The following VGLL3 variants were observed in gnomAD, a reference collection of about 807,000 sequenced individuals.
The protein encoded by VGLL3 is vestigial like family member 3, also known as transcription cofactor vestigial-like protein 3.
VGLL3 carries 18 observed loss-of-function variants against 29.2 expected under a neutral mutation model. That is an observed-to-expected ratio of 0.62 (90% CI 0.43 to 0.91). The LOEUF (loss-of-function observed/expected upper bound fraction) is 0.91, where lower values mean the gene tolerates loss of function less well. Ranked by LOEUF, VGLL3 falls within the 40% of genes least tolerant of loss-of-function variation. The pLI is 0.00. For synonymous variants in VGLL3, 180 were observed against 151.8 expected (o/e 1.19, Z -1.36); for missense variants, 440 against 413.2 (o/e 1.06, Z -0.56).
intron 3 of VGLL3, among the ~76,000 whole-genome samples, chr3:86,968,106 T>G (rs1705002601): frequency 6.6e-6 from 1 of 152,078 alleles, no homozygotes; most frequent in African/African-American, 2.4e-5. Context: ...AAATCATTCT[T>G]TTAAAATATG....
At chr3:86,978,489 A>G in intron 2 of VGLL3, 37 bp downstream of exon 2, 1 of 1,601,244 alleles carries the variant, frequency 6.2e-7, no homozygotes, top group East Asian at 2.2e-5. Context: ...CGAAACAAAG[A>G]CAGTGCCCTG....
intron 3 of VGLL3, among the ~76,000 whole-genome samples, chr3:86,957,180 C>T (rs1704743218): frequency 6.6e-6 from 1 of 152,110 alleles, no homozygotes; most frequent in African/African-American, 2.4e-5. Flanking sequence ...GATGTTAACC[C>T]CGCAATATTT....
At chr3:86,955,437 T>G (rs2106975885) in intron 3 of VGLL3, among the ~76,000 whole-genome samples, 1 of 149,780 alleles carries the variant, frequency 6.7e-6, no homozygotes, top group African/African-American at 2.5e-5. Context: ...GGCTGGAGGC[T>G]GGAGTGCAAT....
At chr3:86,969,193 G>A (rs988335207) in intron 2 of VGLL3, 70 bp from the exon 3 acceptor site, 3 of 1,474,070 alleles carry the variant, frequency 2.0e-6, no homozygotes, top group African/African-American at 2.8e-5. Flanking sequence ...GCCTCTAATT[G>A]TCCACTCTAA....
chr3:86,969,492 T>A (rs1031991772), intron 2 of VGLL3, among the ~76,000 whole-genome samples: 6 of 152,160 alleles, frequency 3.9e-5, no homozygotes, highest in Admixed American at 3.9e-4. Context: ...GGTAAAGAAA[T>A]CTTATGCCAT....
At chr3:86,987,420 C>A (rs1705470765) in intron 1 of VGLL3, among the ~76,000 whole-genome samples, 1 of 152,122 alleles carries the variant, frequency 6.6e-6, no homozygotes, top group Admixed American at 6.6e-5. Flanking sequence ...AAATATACTC[C>A]ATTTTATATG....
intron 1 of VGLL3, among the ~76,000 whole-genome samples, chr3:86,987,465 A>T (rs1012672540): frequency 6.6e-5 from 10 of 152,182 alleles, no homozygotes; most frequent in African/African-American, 2.4e-4. Flanking sequence ...ATCCCCATGC[A>T]CAATTAGAAA....
intron 1 of VGLL3, among the ~76,000 whole-genome samples, chr3:86,981,165 G>A (rs146019762): frequency 3.9e-5 from 6 of 152,024 alleles, no homozygotes; most frequent in East Asian, 3.9e-4. Context: ...TGATACAAAC[G>A]TCAAATAGTA....
chr3:86,961,041 A>T (rs1261486672), intron 3 of VGLL3, among the ~76,000 whole-genome samples: 3 of 150,896 alleles, frequency 2.0e-5, no homozygotes, highest in African/African-American at 7.3e-5. Flanking sequence ...TGAATACCTC[A>T]ATTCTAAGTT....
intron 1 of VGLL3, among the ~76,000 whole-genome samples, chr3:86,980,571 T>C (rs547541832): frequency 6.6e-6 from 1 of 152,094 alleles, no homozygotes; most frequent in Admixed American, 6.6e-5. Flanking sequence ...TCTGCACAGA[T>C]TTGAACATGT....
rs748049327 is a variant in VGLL3 at position 86,947,033 on chromosome 3, C to T, written c.972G>A (p.Pro324=). 2.3e-5 allele frequency: 18 copies of T among 780,432 alleles called. No individual in the cohort carries two copies. The highest frequency in any genetic ancestry group is 5.4e-5 in the South Asian group (4 of 74,544). 48.3% of individuals were successfully genotyped at this position (780,432 alleles called of 1,614,324 possible). ...ACTAAGATTGTGTGTTTCAGTACCA[C>T]GGTGATTCCTTACTCTTGTCTTGAT... ...LQHQDKSKES[P]WY Residue 324 remains proline, a synonymous_variant, in exon 4 of 4, where the codon CCG becomes CCA. Transcript: ENST00000398399.
At chr3:86,951,382 C>G (rs1226164765) in intron 3 of VGLL3, among the ~76,000 whole-genome samples, 1 of 152,122 alleles carries the variant, frequency 6.6e-6, no homozygotes, top group Non-Finnish European at 1.5e-5. Flanking sequence ...CACCTGAGAT[C>G]TCTCTCAGAT....
At chr3:86,954,271 A>C (rs957935976) in intron 3 of VGLL3, among the ~76,000 whole-genome samples, 2 of 152,228 alleles carry the variant, frequency 1.3e-5, no homozygotes, top group African/African-American at 4.8e-5. Context: ...TATTTTAAGA[A>C]GTACAGCACC....
rs1468763044 is a variant in VGLL3, at chr3:86,945,450, C to T, written c.*1574G>A. On this transcript the variant is annotated 3_prime_UTR_variant, in exon 4 of 4. Coordinates refer to ENST00000398399, the MANE Select transcript of VGLL3 (RefSeq NM_016206.4). Reference sequence around the variant, plus strand: ...AAATGGGAGAAATTTGAAAAAACCTCTTTATAAAGCTAAAAAACTTCTCTA... The same window carrying T: ...AAATGGGAGAAATTTGAAAAAACCTTTTTATAAAGCTAAAAAACTTCTCTA... 6.6e-6 allele frequency: 1 copy of T among 152,068 alleles called. No individual in the cohort carries two copies. Among genetic ancestry groups the T allele is most frequent in the Non-Finnish European group, 1.5e-5 (1 of 67,982 alleles). The allele number at this position is 152,068 out of a possible 1,614,324, so 9.4% of individuals were successfully genotyped here. A position where few individuals can be genotyped will look rare whatever the true frequency, so the allele number is the denominator to read the frequency against.
At chr3:86,983,538 C>T (rs974457090) in intron 1 of VGLL3, among the ~76,000 whole-genome samples, 1 of 152,126 alleles carries the variant, frequency 6.6e-6, no homozygotes, top group Non-Finnish European at 1.5e-5. Flanking sequence ...TGCCACCATG[C>T]TGGCCTTATT....
At chr3:86,990,492 A>T (rs2107086487) in intron 1 of VGLL3, 126 bp downstream of exon 1, 3 of 1,267,468 alleles carry the variant, frequency 2.4e-6, no homozygotes. Context: ...CTGCTCAAGG[A>T]CGCTCCCGCA....
intron 3 of VGLL3, among the ~76,000 whole-genome samples, chr3:86,958,063 T>C (rs965752424): frequency 6.6e-6 from 1 of 152,212 alleles, no homozygotes; most frequent in Non-Finnish European, 1.5e-5. Flanking sequence ...AAAAAAGACA[T>C]ATATGTGCTT....
At position 86,968,826 on chromosome 3, in the gene VGLL3, G is replaced by A. The variant is rs935062281; in HGVS notation, c.701C>T (p.Ala234Val). Residue 234 changes from alanine (A) to valine (V), a missense_variant, in exon 3 of 4, where the codon GCC becomes GTC. Ala to Val is a moderately conservative substitution (Grantham distance 64). Transcript: ENST00000398399. ...DVYMRHHHPH[A>V]HMHHRHRHHH... ...GTGGCGGTGGCGGTGGTGCATGTGG[G>A]CATGAGGGTGGTGGTGCCGCATGTA... 6.2e-7 allele frequency: 1 copy of A among 1,614,122 alleles called. No individual in the cohort carries two copies.
At chr3:86,966,791 A>G (rs1271466924) in intron 3 of VGLL3, among the ~76,000 whole-genome samples, 2 of 101,406 alleles carry the variant, frequency 2.0e-5, no homozygotes, top group South Asian at 3.3e-4. Flanking sequence ...ATATATATAT[A>G]TATATATATA....
Sources: allele counts gnomAD v4.1 joint callset (sites outside exome capture counted in the v4.1 genomes callset), GRCh38; gene constraint gnomAD v4.1.1; transcripts MANE v1.5; gene names NCBI Gene and HGNC (gene_info 2026-07-23, HGNC 2026-07-21).